Variants in FRAS1 observed in about 807,000 individuals in gnomAD.
FRAS1 encodes the protein Fraser extracellular matrix complex subunit 1, also known as extracellular matrix organizing protein FRAS1.
Under a neutral mutation model 435.2 loss-of-function variants are expected in FRAS1, and 290 were observed. That is an observed-to-expected ratio of 0.67 (90% CI 0.61 to 0.73). FRAS1 has a LOEUF of 0.73. Ranked by LOEUF, FRAS1 falls within the 30% of genes least tolerant of loss-of-function variation. FRAS1 has a pLI of 0.00. For synonymous variants in FRAS1, 1,800 were observed against 1,851.0 expected, an observed-to-expected ratio of 0.97 and a Z score of 0.71; for missense variants, 4,860 against 5,001.5, an observed-to-expected ratio of 0.97 and a Z score of 0.85.
At position 78,516,001 on chromosome 4, in the gene FRAS1, C is replaced by T. The variant is rs3749487; in HGVS notation, c.10377C>T (p.Thr3459=). ...TTGACGTCTGTGGGGGCTCTGTAAC[C>T]GCTGACTTCCAGGTAGGTGCCCCGG... ...ELIDVCGGSV[T]ADFQVRDSAQ... is the part of the protein sequence containing the mutation. The change falls in exon 66 of 74, where the codon ACC becomes ACT. Residue 3459 remains threonine (T), a synonymous_variant. Coordinates refer to ENST00000512123, the MANE Select transcript of FRAS1 (RefSeq NM_025074.7). 0.18 allele frequency: 286,742 copies of T among 1,611,934 alleles called. 25,924 individuals carry two copies. The highest frequency in any genetic ancestry group is 0.22 in the Middle Eastern group (1,356 of 6,056).
chr4:78,275,488 G>T (rs1036782305), intron 9 of FRAS1, among the ~76,000 whole-genome samples: 2 of 152,112 alleles, frequency 1.3e-5, no homozygotes, highest in South Asian at 2.1e-4. Flanking sequence ...CTTCCTTCAG[G>T]AGCTCTTTTA....
chr4:78,193,730 G>T (rs1260774699), intron 2 of FRAS1, among the ~76,000 whole-genome samples: 1 of 152,106 alleles, frequency 6.6e-6, no homozygotes, highest in Non-Finnish European at 1.5e-5. Context: ...TATCCAATTT[G>T]CCAGTCTGTG....
Position 78,538,153 on chromosome 4 carries a change from G to T in FRAS1, c.11298+953G>T, listed in dbSNP as rs1158952061. 2.6e-5 allele frequency among the ~76,000 whole-genome samples: 4 copies of T among 152,164 alleles called. No individual in the cohort carries two copies. The East Asian group carries it at 7.7e-4, about 29-fold the overall frequency. ...AGCTCTCTTTATTGAGGAAGGGAAT[G>T]AATTTAGGTATTTTCACTAAAAAAT... On this transcript the variant is annotated intron_variant, in intron 72 of 73. Transcript: ENST00000512123.
At chr4:78,482,295 A>G in intron 57 of FRAS1, 93 bp from the exon 58 acceptor site, 20 of 1,411,430 alleles carry the variant, frequency 1.4e-5, no homozygotes, top group Non-Finnish European at 1.9e-5. Flanking sequence ...TAAAACCACC[A>G]AAGACAGGCA....
chr4:78,476,324 G>T (rs1212514450), intron 54 of FRAS1, among the ~76,000 whole-genome samples: 1 of 152,114 alleles, frequency 6.6e-6, no homozygotes, highest in East Asian at 1.9e-4. Flanking sequence ...CATACCAGTG[G>T]TAATTAAAGG....
intron 2 of FRAS1, among the ~76,000 whole-genome samples, chr4:78,152,136 T>C (rs1223334631): frequency 1.3e-5 from 2 of 152,172 alleles, no homozygotes; most frequent in African/African-American, 4.8e-5. Context: ...GTCATATTAT[T>C]ATGCTGTATT....
At position 78,429,346 on chromosome 4, in the gene FRAS1, TCTCAC is replaced by T. The variant is rs370609499; in HGVS notation, c.4843+123_4843+127del. 2.1e-4 allele frequency: 260 copies of T among 1,262,786 alleles called. No homozygotes were observed. In the African/African-American group the frequency reaches 3.0e-3, roughly 15 times the overall value. 78.2% of individuals were successfully genotyped at this position (1,262,786 alleles called of 1,614,324 possible). The stretch of plus-strand genomic sequence containing the variant: ...CTCTTCTTCCAGAAGTTGCCTGCAT[TCTCAC>T]CTGTATCCTTCCTCCTGCCCATTTC... On this transcript the variant is annotated intron_variant, in intron 36 of 73. Coordinates refer to ENST00000512123, the MANE Select transcript of FRAS1 (RefSeq NM_025074.7).
chr4:78,169,513 G>A (rs199566819), intron 2 of FRAS1, among the ~76,000 whole-genome samples: 7 of 152,042 alleles, frequency 4.6e-5, no homozygotes, highest in Non-Finnish European at 7.4e-5. Flanking sequence ...GTTGTGGCAA[G>A]GATTAAATAA....
intron 2 of FRAS1, among the ~76,000 whole-genome samples, chr4:78,225,244 G>T (rs1724219876): frequency 6.6e-6 from 1 of 152,174 alleles, no homozygotes; most frequent in South Asian, 2.1e-4. Flanking sequence ...TTAAGAAAAA[G>T]AAAATGGAGG....
chr4:78,204,007 A>T (rs937363780), intron 2 of FRAS1, among the ~76,000 whole-genome samples: 1 of 152,242 alleles, frequency 6.6e-6, no homozygotes, highest in Non-Finnish European at 1.5e-5. Context: ...GTTCCTGAGT[A>T]CAAAAAGGCT....
chr4:78,227,077 T>A (rs1226873220), intron 2 of FRAS1, among the ~76,000 whole-genome samples: 5 of 152,244 alleles, frequency 3.3e-5, no homozygotes, highest in Non-Finnish European at 7.3e-5. Context: ...TCAAGATATG[T>A]ATCTATTGTC....
intron 35 of FRAS1, among the ~76,000 whole-genome samples, chr4:78,428,569 T>C (rs1301478744): frequency 6.6e-6 from 1 of 152,160 alleles, no homozygotes; most frequent in Admixed American, 6.5e-5. Flanking sequence ...GTGATCCGCC[T>C]GCCTCGGCCT....
chr4:78,293,951 A>G (rs1728026312), intron 14 of FRAS1, among the ~76,000 whole-genome samples: 1 of 152,218 alleles, frequency 6.6e-6, no homozygotes. Context: ...GATGCCACAG[A>G]GTTTATCTTT....
intron 58 of FRAS1, among the ~76,000 whole-genome samples, chr4:78,486,872 G>C (rs1160169022): frequency 6.7e-6 from 1 of 148,414 alleles, no homozygotes; most frequent in Non-Finnish European, 1.5e-5. Flanking sequence ...ATAGAAGTGA[G>C]AGTGAATGTC....
At chr4:78,529,599 G>C (rs1396839481) in intron 70 of FRAS1, among the ~76,000 whole-genome samples, 2 of 152,224 alleles carry the variant, frequency 1.3e-5, no homozygotes, top group Non-Finnish European at 2.9e-5. Flanking sequence ...CTAGACAGTA[G>C]TCCCCCCTTA....
chr4:78,135,456 G>C (rs1162439925), intron 2 of FRAS1, among the ~76,000 whole-genome samples: 2 of 152,160 alleles, frequency 1.3e-5, no homozygotes, highest in African/African-American at 4.8e-5. Flanking sequence ...GTTACAAACT[G>C]ATCTGCAGAG....
At chr4:78,197,981 G>C (rs929874780) in intron 2 of FRAS1, among the ~76,000 whole-genome samples, 3 of 151,076 alleles carry the variant, frequency 2.0e-5, no homozygotes, top group Admixed American at 6.6e-5. Context: ...CACTTTTATA[G>C]CAGGACTATG....
chr4:78,499,493 A>G (rs1270564719), intron 60 of FRAS1, among the ~76,000 whole-genome samples: 2 of 152,226 alleles, frequency 1.3e-5, no homozygotes, highest in Non-Finnish European at 2.9e-5. Context: ...TGTTTTTAAT[A>G]AGGAACATGT....
At chr4:78,136,903 T>C (rs1302850406) in intron 2 of FRAS1, among the ~76,000 whole-genome samples, 1 of 152,200 alleles carries the variant, frequency 6.6e-6, no homozygotes, top group Non-Finnish European at 1.5e-5. Context: ...GCATACCTAC[T>C]GTGCGCCAGC....
Sources: gnomAD v4.1 joint callset for allele counts (sites outside exome capture counted in the v4.1 genomes callset) on GRCh38, gnomAD v4.1.1 for gene constraint, MANE v1.5 for transcripts, NCBI Gene and HGNC (gene_info 2026-07-23, HGNC 2026-07-21) for gene names.